The following SGO2 variants were observed in gnomAD, a reference collection of about 807,000 sequenced individuals.
The protein encoded by SGO2 is shugoshin 2.
In SGO2, 68 loss-of-function variants were observed where a neutral mutation model predicts 99.5. The ratio of observed to expected loss-of-function variants is 0.68; its 90% CI spans 0.56 to 0.84. SGO2 has a LOEUF of 0.84. Ranked by LOEUF, SGO2 falls within the 40% of genes least tolerant of loss-of-function variation. The pLI, the probability that SGO2 is intolerant of heterozygous loss-of-function variation, is 0.00. For synonymous variants in SGO2, 457 were observed against 487.1 expected (o/e 0.94, Z 0.81); for missense variants, 1,350 against 1,436.7 (o/e 0.94, Z 0.97).
chr2:200,574,739 T>G lies in SGO2; in HGVS notation c.3632-572T>G, dbSNP rs552290845. On this transcript the variant is annotated intron_variant, in intron 7 of 8. Coordinates refer to ENST00000357799, the MANE Select transcript of SGO2 (RefSeq NM_152524.6). Reference sequence around the variant, plus strand: ...GGGGAAAAAATCACCTGGGAGAACTTTAGTCCATTTACCATGTGCATGCAG... The same window carrying G: ...GGGGAAAAAATCACCTGGGAGAACTGTAGTCCATTTACCATGTGCATGCAG... Among the ~76,000 whole-genome samples, 6 of 152,180 alleles carry G rather than the reference T, an allele frequency of 3.9e-5. No individual in the cohort carries two copies. The South Asian group carries it at 1.2e-3, about 32-fold the overall frequency.
Position 200,560,378 on chromosome 2 carries a change from T to G in SGO2, c.474-9285T>G, listed in dbSNP as rs117502002. ...TAAAATGCTATATAAGTGAATCAGG[T>G]GTCATTTTATCATCTTCAGGTATCT... On this transcript the variant is annotated intron_variant, in intron 5 of 8. Coordinates refer to ENST00000357799, the MANE Select transcript of SGO2 (RefSeq NM_152524.6). Among the ~76,000 whole-genome samples the G allele has an allele frequency of 1.4e-4, 22 of 152,220 alleles. No homozygotes were observed. The East Asian group carries it at 3.7e-3, about 25-fold the overall frequency.
At position 200,572,514 on chromosome 2, in the gene SGO2, T is replaced by C; in HGVS notation, c.2168T>C (p.Ile723Thr). 6.2e-7 allele frequency: 1 copy of C among 1,612,712 alleles called. No homozygotes were observed. Among genetic ancestry groups the C allele is most frequent in the Non-Finnish European group, 8.5e-7 (1 of 1,179,210 alleles). The change falls in exon 7 of 9, where the codon ATT becomes ACT. Residue 723 changes from isoleucine to threonine, a missense_variant. By Grantham distance (89) the Ile-to-Thr change is moderately conservative. Transcript: ENST00000357799. ...AAAGTAAATCGGAAGACAGAAATAA[T>C]TTCTGAAGTGAATCATTTAGATAAT... Reference protein sequence around the residue: ...RQKVNRKTEIISEVNHLDNDK... With the variant: ...RQKVNRKTEITSEVNHLDNDK...
intron 1 of SGO2, among the ~76,000 whole-genome samples, chr2:200,528,045 A>T (rs1188524946): frequency 2.0e-5 from 3 of 152,228 alleles, no homozygotes; most frequent in Non-Finnish European, 4.4e-5. Flanking sequence ...AGAGCATGTC[A>T]AGGTAGGCAG....
intron 5 of SGO2, among the ~76,000 whole-genome samples, chr2:200,551,878 T>A (rs895354345): frequency 1.4e-4 from 21 of 152,178 alleles, no homozygotes; most frequent in Non-Finnish European, 2.5e-4. Flanking sequence ...GTCTTAATTA[T>A]TAGCTTTATA....
chr2:200,527,595 A>G (rs2031161282), intron 1 of SGO2, among the ~76,000 whole-genome samples: 1 of 152,198 alleles, frequency 6.6e-6, no homozygotes, highest in Non-Finnish European at 1.5e-5. Context: ...ACCTCCCAAC[A>G]TCTGCTTAAC....
At chr2:200,544,108 A>C (rs2032093487) in intron 5 of SGO2, among the ~76,000 whole-genome samples, 1 of 152,222 alleles carries the variant, frequency 6.6e-6, no homozygotes, top group Admixed American at 6.5e-5. Flanking sequence ...GAAATTATAC[A>C]GTATGTATGT....
At chr2:200,559,762 T>C (rs2032868911) in intron 5 of SGO2, among the ~76,000 whole-genome samples, 1 of 152,176 alleles carries the variant, frequency 6.6e-6, no homozygotes, top group African/African-American at 2.4e-5. Flanking sequence ...ATTATTTAGT[T>C]CAAGATTTTT....
intron 8 of SGO2, among the ~76,000 whole-genome samples, chr2:200,578,139 AGTT>A (rs1047807278): frequency 1.6e-4 from 5 of 31,112 alleles, no homozygotes; most frequent in African/African-American, 4.5e-4. Context: ...TGTAAGGAAG[AGTT>A]GTCTTTTCTA....
At chr2:200,565,787 T>C (rs1004780088) in intron 5 of SGO2, among the ~76,000 whole-genome samples, 2 of 152,214 alleles carry the variant, frequency 1.3e-5, no homozygotes, top group Admixed American at 1.3e-4. Flanking sequence ...TCTCTAAACT[T>C]CTCTTCTTGC....
intron 5 of SGO2, among the ~76,000 whole-genome samples, chr2:200,569,038 T>C (rs1456442180): frequency 1.3e-5 from 2 of 151,990 alleles, no homozygotes; most frequent in Admixed American, 1.3e-4. Flanking sequence ...TATAAATTAT[T>C]TTAAAATATC....
chr2:200,532,157 A>AAAGTGAGAAT (rs1291478697), intron 1 of SGO2, among the ~76,000 whole-genome samples: 2 of 152,018 alleles, frequency 1.3e-5, no homozygotes, highest in East Asian at 3.9e-4. Flanking sequence ...CATGATTGAT[A>AAAGTGAGAAT]AAGTGAGCTG....
rs1323161836 is a variant in SGO2 at position 200,544,861 on chromosome 2, T to C, written c.473+2197T>C. 3.3e-5 allele frequency among the ~76,000 whole-genome samples: 5 copies of C among 152,204 alleles called. No homozygotes were observed. In the East Asian group the frequency reaches 7.7e-4, roughly 23 times the overall value. Reference sequence around the variant, plus strand: ...AACAATTCTTGTTATTGTCTGTCTTTTTCATTTTAGCCATTTTGAGGGATG... The same window carrying C: ...AACAATTCTTGTTATTGTCTGTCTTCTTCATTTTAGCCATTTTGAGGGATG... On this transcript the variant is annotated intron_variant, in intron 5 of 8. Coordinates refer to ENST00000357799, the MANE Select transcript of SGO2 (RefSeq NM_152524.6).
intron 5 of SGO2, among the ~76,000 whole-genome samples, chr2:200,545,324 C>T (rs949379120): frequency 6.6e-6 from 1 of 152,130 alleles, no homozygotes; most frequent in African/African-American, 2.4e-5. Context: ...CGTGTATCTT[C>T]TACTCTGTGG....
chr2:200,549,112 G>A (rs1239324089), intron 5 of SGO2, among the ~76,000 whole-genome samples: 1 of 152,022 alleles, frequency 6.6e-6, no homozygotes, highest in Non-Finnish European at 1.5e-5. Context: ...AAATTAGCTG[G>A]GTATGGTGGC....
chr2:200,582,503 A>T (rs188441954), intron 8 of SGO2, among the ~76,000 whole-genome samples: 40 of 152,320 alleles, frequency 2.6e-4, no homozygotes, highest in Non-Finnish European at 5.0e-4. Flanking sequence ...TAAGGAGGAA[A>T]AAAATCTTTC....
intron 8 of SGO2, among the ~76,000 whole-genome samples, chr2:200,578,185 T>TATAGATATAGATATAGATATAG (rs1559221928): frequency 4.2e-4 from 7 of 16,524 alleles, no homozygotes; most frequent in East Asian, 9.6e-3. Context: ...TATAGATATA[T>TATAGATATAGATATAGATATAG]ATCGTGGGTA....
chr2:200,539,661 T>G (rs2106311534), intron 4 of SGO2, among the ~76,000 whole-genome samples: 1 of 152,294 alleles, frequency 6.6e-6, no homozygotes, highest in Non-Finnish European at 1.5e-5. Context: ...TTGAGAATTT[T>G]GACTTTGATG....
At chr2:200,548,031 C>T (rs1048226109) in intron 5 of SGO2, among the ~76,000 whole-genome samples, 8 of 150,346 alleles carry the variant, frequency 5.3e-5, no homozygotes, top group Non-Finnish European at 1.2e-4. Flanking sequence ...AGAGAGACTG[C>T]AATACAGTAA....
chr2:200,531,148 T>C (rs2031358081), intron 1 of SGO2, among the ~76,000 whole-genome samples: 1 of 152,158 alleles, frequency 6.6e-6, no homozygotes, highest in Non-Finnish European at 1.5e-5. Flanking sequence ...CATGGATCCG[T>C]ATCTAGGAAC....
Sources: allele counts gnomAD v4.1 joint callset (sites outside exome capture counted in the v4.1 genomes callset), GRCh38; gene constraint gnomAD v4.1.1; transcripts MANE v1.5; gene names NCBI Gene and HGNC (gene_info 2026-07-23, HGNC 2026-07-21).